The following MAGI2 variants were observed in gnomAD, a reference collection of about 807,000 sequenced individuals.
MAGI2 encodes membrane-associated guanylate kinase, WW and PDZ domain-containing protein 2.
A neutral mutation model predicts 133.3 loss-of-function variants in MAGI2; 35 were observed. That is an observed-to-expected ratio of 0.26 (90% CI 0.20 to 0.35). MAGI2 has a LOEUF of 0.35. Ranked by LOEUF, MAGI2 falls within the 10% of genes least tolerant of loss-of-function variation. The probability of loss-of-function intolerance (pLI) is 1.00; values close to 1 mark genes in which losing one functional copy is unlikely to be tolerated. For synonymous variants in MAGI2, 729 were observed against 710.6 expected (o/e 1.03, Z -0.41); for missense variants, 1,636 against 1,863.4 (o/e 0.88, Z 2.25).
chr7:79,447,600 A>T (rs1848949525), intron 1 of MAGI2, among the ~76,000 whole-genome samples: 1 of 152,010 alleles, frequency 6.6e-6, no homozygotes, highest in Non-Finnish European at 1.5e-5. Context: ...ATTAATACAC[A>T]GACTTACTTA....
chr7:78,031,605 A>G (rs1363658278), intron 21 of MAGI2, among the ~76,000 whole-genome samples: 1 of 152,198 alleles, frequency 6.6e-6, no homozygotes, highest in African/African-American at 2.4e-5. Context: ...TTTTACTTTA[A>G]TCTTTAGAAG....
At chr7:78,802,712 C>A (rs1276510994) in intron 2 of MAGI2, among the ~76,000 whole-genome samples, 1 of 152,026 alleles carries the variant, frequency 6.6e-6, no homozygotes. Flanking sequence ...CTAATATGAA[C>A]TACAGAATTG....
intron 1 of MAGI2, among the ~76,000 whole-genome samples, chr7:79,111,420 C>T (rs532362818): frequency 6.6e-6 from 1 of 152,178 alleles, no homozygotes; most frequent in South Asian, 2.1e-4. Flanking sequence ...AATACCTTGG[C>T]AATATAGAAA....
chr7:78,973,506 T>C (rs1366073539), intron 2 of MAGI2, among the ~76,000 whole-genome samples: 4 of 151,886 alleles, frequency 2.6e-5, no homozygotes, highest in African/African-American at 9.7e-5. Context: ...GTTGTAATTA[T>C]AGATTCACTG....
chr7:79,406,359 T>C (rs551190211), intron 1 of MAGI2, among the ~76,000 whole-genome samples: 1 of 152,238 alleles, frequency 6.6e-6, no homozygotes, highest in South Asian at 2.1e-4. Flanking sequence ...CAATCATAAA[T>C]GTAACTAGAG....
intron 1 of MAGI2, among the ~76,000 whole-genome samples, chr7:79,384,252 TAGAG>T (rs1340402589): frequency 6.6e-6 from 1 of 151,438 alleles, no homozygotes; most frequent in African/African-American, 2.4e-5. Context: ...GAAATGATGT[TAGAG>T]AGGTGTTGAT....
intron 2 of MAGI2, among the ~76,000 whole-genome samples, chr7:78,987,499 C>T (rs1393236504): frequency 6.6e-6 from 1 of 152,002 alleles, no homozygotes; most frequent in Admixed American, 6.6e-5. Context: ...ATAAAAAACA[C>T]TGTGGTACTT....
At chr7:78,033,482 A>C (rs1402631920) in intron 21 of MAGI2, among the ~76,000 whole-genome samples, 1 of 149,076 alleles carries the variant, frequency 6.7e-6, no homozygotes, top group Non-Finnish European at 1.5e-5. Context: ...CAAAAAAAAA[A>C]AAAAAAAAAA....
At chr7:79,449,341 G>A (rs1025960870) in intron 1 of MAGI2, among the ~76,000 whole-genome samples, 2 of 144,418 alleles carry the variant, frequency 1.4e-5, no homozygotes, top group Admixed American at 1.5e-4. Flanking sequence ...CTTCCACATG[G>A]GAAGAATTAG....
rs560080742 is a variant in MAGI2, at chr7:78,879,744, A to G, written c.418+127346T>C. On this transcript the variant is annotated intron_variant, in intron 2 of 21. Coordinates refer to ENST00000354212, the MANE Select transcript of MAGI2 (RefSeq NM_012301.4). Reference sequence around the variant, plus strand: ...ACAATAATCCCAAACTGGAATGGAAACTCAGAAATAAAAAATAAAGAATTC... The same window carrying G: ...ACAATAATCCCAAACTGGAATGGAAGCTCAGAAATAAAAAATAAAGAATTC... 2.0e-5 allele frequency among the ~76,000 whole-genome samples: 3 copies of G among 152,196 alleles called. No individual in the cohort carries two copies. The East Asian group carries it at 5.8e-4, about 29-fold the overall frequency.
At position 79,015,735 on chromosome 7, in the gene MAGI2, G is replaced by A. The variant is rs138552735; in HGVS notation, c.302-8529C>T. ...TGTTGTATATTATAATTATGTCCTC[G>A]GCCCACCTATAAGTCTTTTCATTCA... On this transcript the variant is annotated intron_variant, in intron 1 of 21. Transcript: ENST00000354212. Among the ~76,000 whole-genome samples the A allele has an allele frequency of 4.3e-3, 656 of 152,016 alleles. 3 individuals are homozygous for A. Among genetic ancestry groups the A allele is most frequent in the African/African-American group, 0.015 (636 of 41,432 alleles).
chr7:78,108,960 T>G (rs1819013546), intron 20 of MAGI2, among the ~76,000 whole-genome samples: 1 of 151,400 alleles, frequency 6.6e-6, no homozygotes, highest in Admixed American at 6.6e-5. Context: ...AGGAATAGAG[T>G]AGCATACAAG....
intron 16 of MAGI2, among the ~76,000 whole-genome samples, chr7:78,136,733 C>A (rs1563168763): frequency 6.6e-6 from 1 of 152,212 alleles, no homozygotes; most frequent in Non-Finnish European, 1.5e-5. Context: ...AAACACAACC[C>A]ACCATTCAGT....
At chr7:78,680,531 T>A (rs1277317587) in intron 2 of MAGI2, among the ~76,000 whole-genome samples, 6 of 152,144 alleles carry the variant, frequency 3.9e-5, no homozygotes, top group African/African-American at 1.4e-4. Context: ...AGGGTTCATG[T>A]AATAGAACTA....
At chr7:78,815,672 T>C (rs950033499) in intron 2 of MAGI2, among the ~76,000 whole-genome samples, 2 of 152,210 alleles carry the variant, frequency 1.3e-5, no homozygotes, top group Admixed American at 1.3e-4. Context: ...GTCACGGTGA[T>C]CTGTGATCAG....
intron 21 of MAGI2, among the ~76,000 whole-genome samples, chr7:78,023,401 T>G (rs1808607277): frequency 6.6e-6 from 1 of 152,146 alleles, no homozygotes; most frequent in South Asian, 2.1e-4. Flanking sequence ...CTTGCCTCCC[T>G]TTCTCCTTTT....
intron 6 of MAGI2, among the ~76,000 whole-genome samples, chr7:78,401,897 T>A (rs1287345447): frequency 6.6e-6 from 1 of 151,590 alleles, no homozygotes; most frequent in Non-Finnish European, 1.5e-5. Flanking sequence ...TCTCCCTTCT[T>A]CCCTCCTTCC....
Position 78,951,203 on chromosome 7 carries a change from C to T in MAGI2, c.418+55887G>A, listed in dbSNP as rs1801845817. ...GGCTAGGCTGGTCTTGAACTCCCAA[C>T]CTTAAGTGATCCACCACCTTAGCCT... is the stretch of plus-strand genomic sequence containing the variant. On this transcript the variant is annotated intron_variant, in intron 2 of 21. Coordinates refer to ENST00000354212, the MANE Select transcript of MAGI2 (RefSeq NM_012301.4). Among the ~76,000 whole-genome samples, 3 of 152,032 alleles carry T rather than the reference C, an allele frequency of 2.0e-5. No individual in the cohort carries two copies. In the South Asian group the frequency reaches 6.2e-4, roughly 32 times the overall value.
chr7:78,444,444 C>A (rs1297359474), intron 6 of MAGI2, among the ~76,000 whole-genome samples: 1 of 152,150 alleles, frequency 6.6e-6, no homozygotes, highest in Admixed American at 6.6e-5. Context: ...GAAACCCACA[C>A]TCATACCCAG....
Sources: allele counts gnomAD v4.1 joint callset (sites outside exome capture counted in the v4.1 genomes callset), GRCh38; gene constraint gnomAD v4.1.1; transcripts MANE v1.5; gene names NCBI Gene and HGNC (gene_info 2026-07-23, HGNC 2026-07-21).